Variants in ST6GAL1 observed in about 807,000 individuals in gnomAD.
ST6GAL1 encodes the protein beta-galactoside alpha-2,6-sialyltransferase 1.
ST6GAL1 carries 20 observed loss-of-function variants against 38.0 expected under a neutral mutation model. The ratio of observed to expected loss-of-function variants is 0.53; its 90% confidence interval spans 0.37 to 0.77. ST6GAL1 has a LOEUF of 0.77. ST6GAL1 is among the 30% of genes least tolerant of loss of function. ST6GAL1 has a pLI of 0.00. For missense variants in ST6GAL1, 432 were observed against 496.4 expected (o/e 0.87, Z 1.23); for synonymous variants, 196 against 188.2 (o/e 1.04, Z -0.34).
At chr3:187,049,395 C>G (rs570483927) in intron 4 of ST6GAL1, among the ~76,000 whole-genome samples, 4 of 152,306 alleles carry the variant, frequency 2.6e-5, no homozygotes, top group African/African-American at 9.6e-5. Flanking sequence ...GGAGGCCGTC[C>G]CAGTCTTGGT....
chr3:187,010,091 G>T (rs1343575437), intron 2 of ST6GAL1, among the ~76,000 whole-genome samples: 1 of 152,146 alleles, frequency 6.6e-6, no homozygotes, highest in Non-Finnish European at 1.5e-5. Flanking sequence ...AAGTTAAATT[G>T]TCCTCTTGGG....
At chr3:187,065,526 T>C (rs1193483361) in intron 5 of ST6GAL1, among the ~76,000 whole-genome samples, 1 of 152,216 alleles carries the variant, frequency 6.6e-6, no homozygotes, top group East Asian at 1.9e-4. Context: ...ATGATATATG[T>C]AAATGGACAG....
At chr3:186,993,544 A>G (rs990002680) in intron 2 of ST6GAL1, among the ~76,000 whole-genome samples, 3 of 150,536 alleles carry the variant, frequency 2.0e-5, no homozygotes, top group Non-Finnish European at 4.4e-5. Flanking sequence ...TCAGTTAGAT[A>G]ACTTGACAGA....
intron 1 of ST6GAL1, among the ~76,000 whole-genome samples, chr3:186,957,424 CAG>C (rs1273401372): frequency 6.6e-6 from 1 of 152,070 alleles, no homozygotes; most frequent in Non-Finnish European, 1.5e-5. Context: ...GCCTGGGCAA[CAG>C]AGTGGGACCC....
chr3:187,003,508 G>A (rs1307259658), intron 2 of ST6GAL1, among the ~76,000 whole-genome samples: 1 of 152,102 alleles, frequency 6.6e-6, no homozygotes, highest in African/African-American at 2.4e-5. Context: ...GAATCTTTCA[G>A]TTGATCAGCA....
intron 5 of ST6GAL1, among the ~76,000 whole-genome samples, chr3:187,057,031 T>G (rs1033584072): frequency 1.3e-5 from 2 of 152,196 alleles, no homozygotes; most frequent in African/African-American, 4.8e-5. Flanking sequence ...AAACTTCTCT[T>G]TTTGTTTTAT....
chr3:187,062,574 T>TCACACACACACACACA (rs57175575), intron 5 of ST6GAL1, among the ~76,000 whole-genome samples: 4,740 of 143,776 alleles, frequency 0.033, 112 homozygotes, highest in East Asian at 0.13. Flanking sequence ...AATAAGCCAG[T>TCACACACACACACACA]CACACACACA....
intron 2 of ST6GAL1, among the ~76,000 whole-genome samples, chr3:187,009,357 G>A (rs1267521889): frequency 2.0e-5 from 3 of 152,144 alleles, no homozygotes; most frequent in Non-Finnish European, 4.4e-5. Context: ...TTAGGGATAG[G>A]TGGCTATGAA....
At chr3:187,001,322 T>C (rs1716609379) in intron 2 of ST6GAL1, among the ~76,000 whole-genome samples, 1 of 152,252 alleles carries the variant, frequency 6.6e-6, no homozygotes, top group Non-Finnish European at 1.5e-5. Context: ...GGACAAATTA[T>C]TTTACCTTTC....
intron 1 of ST6GAL1, among the ~76,000 whole-genome samples, chr3:186,960,991 A>G (rs1219603775): frequency 5.1e-5 from 7 of 138,354 alleles, no homozygotes; most frequent in Non-Finnish European, 7.6e-5. Flanking sequence ...TTTTTTTTAG[A>G]TAGAGTCTCA....
chr3:187,063,979 G>A (rs1342667973), intron 5 of ST6GAL1, among the ~76,000 whole-genome samples: 1 of 152,122 alleles, frequency 6.6e-6, no homozygotes, highest in Non-Finnish European at 1.5e-5. Context: ...TGCAGCAAGT[G>A]CTTTGTAAAT....
chr3:187,004,458 A>C (rs1241035919), intron 2 of ST6GAL1, among the ~76,000 whole-genome samples: 29 of 152,190 alleles, frequency 1.9e-4, no homozygotes, highest in Admixed American at 1.9e-3. Context: ...GGCCTTTTAT[A>C]AGCATTACTG....
intron 2 of ST6GAL1, among the ~76,000 whole-genome samples, chr3:187,011,232 C>T (rs1716946977): frequency 6.6e-6 from 1 of 152,180 alleles, no homozygotes; most frequent in African/African-American, 2.4e-5. Flanking sequence ...CTACTGACCT[C>T]AAGTGATCCG....
At chr3:186,936,050 T>G (rs1713942375) in intron 1 of ST6GAL1, among the ~76,000 whole-genome samples, 1 of 152,202 alleles carries the variant, frequency 6.6e-6, no homozygotes, top group Non-Finnish European at 1.5e-5. Flanking sequence ...CCACCCATTC[T>G]TTGTCCGAGG....
chr3:186,981,130 G>C (rs1247254601), intron 2 of ST6GAL1, among the ~76,000 whole-genome samples: 3 of 152,216 alleles, frequency 2.0e-5, no homozygotes, highest in African/African-American at 4.8e-5. Flanking sequence ...ATGTAGCAAA[G>C]TTCATCTGAG....
At chr3:187,002,873 G>C (rs938073619) in intron 2 of ST6GAL1, among the ~76,000 whole-genome samples, 2 of 152,072 alleles carry the variant, frequency 1.3e-5, no homozygotes, top group African/African-American at 4.8e-5. Flanking sequence ...TACTATTTAC[G>C]GTAGCAAAAT....
intron 4 of ST6GAL1, among the ~76,000 whole-genome samples, chr3:187,046,328 C>T (rs747776980): frequency 2.9e-4 from 44 of 152,162 alleles, no homozygotes; most frequent in Non-Finnish European, 4.7e-4. Context: ...TCCAGAGGAA[C>T]GCAGATTCCA....
intron 2 of ST6GAL1, among the ~76,000 whole-genome samples, chr3:186,972,922 T>C (rs1341035037): frequency 6.6e-6 from 1 of 152,116 alleles, no homozygotes; most frequent in Non-Finnish European, 1.5e-5. Flanking sequence ...AGTGAGTGTA[T>C]TTCCAGGGGG....
intron 2 of ST6GAL1, among the ~76,000 whole-genome samples, chr3:186,991,680 G>A (rs1219693014): frequency 6.6e-6 from 1 of 152,128 alleles, no homozygotes; most frequent in African/African-American, 2.4e-5. Flanking sequence ...CCTTGGGAGC[G>A]TGGGTGATTC....
Sources: allele counts gnomAD v4.1 joint callset (sites outside exome capture counted in the v4.1 genomes callset), GRCh38; gene constraint gnomAD v4.1.1; transcripts MANE v1.5; gene names NCBI Gene and HGNC (gene_info 2026-07-23, HGNC 2026-07-21).